BCHE: variants seen among roughly 807,000 people sequenced by gnomAD.
The protein encoded by BCHE is cholinesterase.
BCHE carries 48 observed loss-of-function variants against 51.3 expected under a neutral mutation model. That is an observed-to-expected ratio of 0.94 (90% CI 0.74 to 1.19). The LOEUF is 1.19. Ranked by LOEUF, BCHE falls within the 50% of genes most tolerant of loss-of-function variation. The pLI is 0.00. For missense variants in BCHE, 847 were observed against 708.2 expected, an observed-to-expected ratio of 1.20 and a Z score of -2.23; for synonymous variants, 251 against 238.0, an observed-to-expected ratio of 1.05 and a Z score of -0.50.
chr3:165,823,941 T>A (rs1418576522), intron 2 of BCHE, among the ~76,000 whole-genome samples: 6 of 151,226 alleles, frequency 4.0e-5, no homozygotes, highest in African/African-American at 1.5e-4. Flanking sequence ...CAACTTTTTT[T>A]TTTTTTTTTT....
In BCHE at chr3:165,786,277, A is replaced by G. The variant is rs755648929; in HGVS notation, c.1552T>C (p.Trp518Arg). 2 of 1,611,930 alleles carry G rather than the reference A, an allele frequency of 1.2e-6. No homozygotes were observed. The highest frequency in any genetic ancestry group is 1.7e-6 in the Non-Finnish European group (2 of 1,178,554). Residue 518 changes from tryptophan to arginine, a missense_variant, in exon 3 of 4, where the codon TGG becomes CGG. Transcript: ENST00000264381. ...PNETQNNSTSWPVFKSTEQKY... is the reference protein window; with the variant it reads ...PNETQNNSTSRPVFKSTEQKY... The stretch of plus-strand genomic sequence containing the variant: ...TGTTCAGTGCTTTTGAAGACAGGCC[A>G]GCTTGTGCTATTGTTCTGAGTCTCA...
At chr3:165,822,812 G>A (rs768834030) in intron 2 of BCHE, among the ~76,000 whole-genome samples, 1 of 152,018 alleles carries the variant, frequency 6.6e-6, no homozygotes, top group Non-Finnish European at 1.5e-5. Flanking sequence ...CTTCTTTAGT[G>A]CTCTGGTCTT....
At chr3:165,811,573 A>G (rs956846808) in intron 2 of BCHE, among the ~76,000 whole-genome samples, 1 of 152,104 alleles carries the variant, frequency 6.6e-6, no homozygotes, top group African/African-American at 2.4e-5. Context: ...AAAAACACTG[A>G]ACTGACAAAA....
At chr3:165,789,419 G>T (rs1414255408) in intron 2 of BCHE, among the ~76,000 whole-genome samples, 1 of 151,924 alleles carries the variant, frequency 6.6e-6, no homozygotes, top group Non-Finnish European at 1.5e-5. Context: ...GACATCAATT[G>T]ATTCAGGATG....
intron 3 of BCHE, among the ~76,000 whole-genome samples, chr3:165,778,987 T>C (rs570072665): frequency 6.6e-6 from 1 of 152,110 alleles, no homozygotes; most frequent in Non-Finnish European, 1.5e-5. Context: ...TTAATTTTCA[T>C]TAATAAACAT....
At chr3:165,804,286 T>A (rs1013678630) in intron 2 of BCHE, among the ~76,000 whole-genome samples, 52 of 152,260 alleles carry the variant, frequency 3.4e-4, no homozygotes, top group African/African-American at 1.3e-3. Context: ...TTGGTAGAGG[T>A]AAATTATTAG....
Position 165,787,955 on chromosome 3 carries a change from AT to A in BCHE, c.1518-1645del, listed in dbSNP as rs541448470. 4.8e-3 allele frequency among the ~76,000 whole-genome samples: 726 copies of A among 152,114 alleles called. 9 individuals carry two copies. The highest frequency in any genetic ancestry group is 0.017 in the African/African-American group (709 of 41,544). The stretch of plus-strand genomic sequence containing the variant: ...AAGATTAAAGTGACAAAGATAAGTA[AT>A]TCATTCCTTGCTCTTATTCTACCTT... On this transcript the variant is annotated intron_variant, in intron 2 of 3. Coordinates refer to ENST00000264381, the MANE Select transcript of BCHE (RefSeq NM_000055.4).
At chr3:165,800,772 A>C (rs1311283348) in intron 2 of BCHE, among the ~76,000 whole-genome samples, 1 of 152,128 alleles carries the variant, frequency 6.6e-6, no homozygotes, top group Non-Finnish European at 1.5e-5. Context: ...TCAATAATTG[A>C]ATTTTATTGC....
chr3:165,812,049 G>A (rs1400013199), intron 2 of BCHE, among the ~76,000 whole-genome samples: 1 of 152,000 alleles, frequency 6.6e-6, no homozygotes, highest in Non-Finnish European at 1.5e-5. Flanking sequence ...ACTAAAGACT[G>A]TGAATACTGA....
chr3:165,830,881 G>T lies in BCHE; in HGVS notation c.153C>A (p.Gly51=). 6.2e-7 allele frequency: 1 copy of T among 1,613,900 alleles called. No individual in the cohort carries two copies. Among genetic ancestry groups the T allele is most frequent in the South Asian group, 1.1e-5 (1 of 91,078 alleles). ...GAATTCCAAGAAAGGCTGTTACCGT[G>T]CCACCAAAAACTGTCAAGTTCATCC... ...VRGMNLTVFG[G]TVTAFLGIPY... The change falls in exon 2 of 4, where the codon GGC becomes GGA. Residue 51 remains glycine (G), a synonymous_variant. Transcript: ENST00000264381.
At position 165,773,204 on chromosome 3, in the gene BCHE, T is replaced by TC; in HGVS notation, c.*177_*178insG. 1.3e-5 allele frequency: 7 copies of TC among 559,948 alleles called. No individual in the cohort carries two copies. Among genetic ancestry groups the TC allele is most frequent in the Non-Finnish European group, 1.6e-5 (5 of 322,516 alleles). 34.7% of individuals were successfully genotyped at this position (559,948 alleles called of 1,614,324 possible). On this transcript the variant is annotated 3_prime_UTR_variant, in exon 4 of 4. Transcript: ENST00000264381. ...AATTTAATTAAACACGTTCTAGCCA[T>TC]TTGGGTTTTGAAATGCTAGGTAAAA...
intron 2 of BCHE, among the ~76,000 whole-genome samples, chr3:165,808,867 A>G (rs929668505): frequency 6.6e-6 from 1 of 152,232 alleles, no homozygotes; most frequent in Non-Finnish European, 1.5e-5. Flanking sequence ...GTACTTCTAA[A>G]GAGCCATTCA....
At chr3:165,835,666 C>T (rs1715164129) in intron 1 of BCHE, among the ~76,000 whole-genome samples, 1 of 151,874 alleles carries the variant, frequency 6.6e-6, no homozygotes, top group Admixed American at 6.6e-5. Flanking sequence ...AAATAGACTA[C>T]ATCACTGTCT....
chr3:165,797,883 G>A lies in BCHE; in HGVS notation c.1518-11572C>T, dbSNP rs184574455. Among the ~76,000 whole-genome samples the A allele has an allele frequency of 3.9e-5, 6 of 152,216 alleles. No homozygotes were observed. The East Asian group carries it at 1.2e-3, about 29-fold the overall frequency. The stretch of plus-strand genomic sequence containing the variant: ...AAATGCATACTTAAATATTAGAAAA[G>A]ACTTGGGAAATAATACTCCAAGAAA... On this transcript the variant is annotated intron_variant, in intron 2 of 3. Coordinates refer to ENST00000264381, the MANE Select transcript of BCHE (RefSeq NM_000055.4).
At chr3:165,824,270 A>C (rs1714639877) in intron 2 of BCHE, among the ~76,000 whole-genome samples, 1 of 151,954 alleles carries the variant, frequency 6.6e-6, no homozygotes, top group African/African-American at 2.4e-5. Flanking sequence ...GTTTTAATAT[A>C]ATTCACCACA....
At chr3:165,794,498 T>TGA (rs979103513) in intron 2 of BCHE, among the ~76,000 whole-genome samples, 17 of 152,176 alleles carry the variant, frequency 1.1e-4, no homozygotes, top group African/African-American at 3.9e-4. Flanking sequence ...TGGTGTCTGA[T>TGA]GAGAGGGCTT....
intron 3 of BCHE, among the ~76,000 whole-genome samples, chr3:165,785,126 T>C (rs909283740): frequency 6.6e-6 from 1 of 151,836 alleles, no homozygotes; most frequent in Admixed American, 6.6e-5. Flanking sequence ...TATTAAGCAA[T>C]CAAATACAGC....
intron 2 of BCHE, among the ~76,000 whole-genome samples, chr3:165,788,227 G>T (rs1713033543): frequency 6.6e-6 from 1 of 151,902 alleles, no homozygotes; most frequent in Non-Finnish European, 1.5e-5. Flanking sequence ...TTGCCATCAA[G>T]AACTTATATT....
At chr3:165,783,651 A>C (rs1004842792) in intron 3 of BCHE, among the ~76,000 whole-genome samples, 3 of 152,064 alleles carry the variant, frequency 2.0e-5, no homozygotes, top group Non-Finnish European at 2.9e-5. Flanking sequence ...TATTGGATCT[A>C]ACTTTTTTTC....
Sources: allele counts gnomAD v4.1 joint callset (sites outside exome capture counted in the v4.1 genomes callset), GRCh38; gene constraint gnomAD v4.1.1; transcripts MANE v1.5; gene names NCBI Gene and HGNC (gene_info 2026-07-23, HGNC 2026-07-21).